Variants in ST6GALNAC3 observed in about 807,000 individuals in gnomAD.
ST6GALNAC3 encodes the protein alpha-N-acetylgalactosaminide alpha-2,6-sialyltransferase 3.
In ST6GALNAC3, 25 loss-of-function variants were observed where a neutral mutation model predicts 32.7. The ratio of observed to expected loss-of-function variants is 0.76; its 90% CI spans 0.56 to 1.07. The LOEUF (loss-of-function observed/expected upper bound fraction) is 1.07, where lower values mean the gene tolerates loss of function less well. Among genes scored for constraint, ST6GALNAC3 ranks in the 50% least tolerant of loss-of-function variants. The probability of loss-of-function intolerance (pLI) is 0.00; values close to 1 mark genes in which losing one functional copy is unlikely to be tolerated. For missense variants in ST6GALNAC3, 355 were observed against 382.4 expected (o/e 0.93, Z 0.60); for synonymous variants, 129 against 133.1 (o/e 0.97, Z 0.21).
chr1:76,283,408 G>T (rs1462285277), intron 1 of ST6GALNAC3, among the ~76,000 whole-genome samples: 1 of 152,034 alleles, frequency 6.6e-6, no homozygotes, highest in Non-Finnish European at 1.5e-5. Context: ...ACTTTCAGGC[G>T]CTGTGGTCTA....
At chr1:76,414,012 G>T (rs1224038042) in intron 3 of ST6GALNAC3, among the ~76,000 whole-genome samples, 1 of 152,020 alleles carries the variant, frequency 6.6e-6, no homozygotes, top group Non-Finnish European at 1.5e-5. Context: ...GAAGAGCTTA[G>T]CATGCTGTTG....
At chr1:76,588,537 T>C (rs1261598702) in intron 3 of ST6GALNAC3, among the ~76,000 whole-genome samples, 1 of 152,232 alleles carries the variant, frequency 6.6e-6, no homozygotes, top group African/African-American at 2.4e-5. Flanking sequence ...CGTGTGCTAA[T>C]TGGCCATTTG....
chr1:76,125,058 G>A lies in ST6GALNAC3; in HGVS notation c.18+50174G>A, dbSNP rs372112102. Reference sequence around the variant, plus strand: ...AAATATATCAAATTTAATTTCACTTGTTTCTCTTTACTTTTTGTTAATGTA... The same window carrying A: ...AAATATATCAAATTTAATTTCACTTATTTCTCTTTACTTTTTGTTAATGTA... On this transcript the variant is annotated intron_variant, in intron 1 of 4. Coordinates refer to ENST00000328299, the MANE Select transcript of ST6GALNAC3 (RefSeq NM_152996.4). Among the ~76,000 whole-genome samples, 8 of 152,216 alleles carry A rather than the reference G, an allele frequency of 5.3e-5. No homozygotes were observed. The South Asian group carries it at 1.5e-3, about 28-fold the overall frequency.
At chr1:76,161,383 T>A (rs1271337688) in intron 1 of ST6GALNAC3, among the ~76,000 whole-genome samples, 1 of 152,234 alleles carries the variant, frequency 6.6e-6, no homozygotes, top group African/African-American at 2.4e-5. Flanking sequence ...GGTACAGAAC[T>A]GGTAAGCGGC....
At chr1:76,504,105 C>T (rs1410767011) in intron 3 of ST6GALNAC3, among the ~76,000 whole-genome samples, 1 of 152,102 alleles carries the variant, frequency 6.6e-6, no homozygotes, top group African/African-American at 2.4e-5. Flanking sequence ...TTCTGGAGAC[C>T]AGAATTCAGA....
chr1:76,617,489 G>GA (rs1253997068), intron 3 of ST6GALNAC3, among the ~76,000 whole-genome samples: 4 of 152,108 alleles, frequency 2.6e-5, no homozygotes, highest in African/African-American at 7.2e-5. Flanking sequence ...GCCTTAGGTA[G>GA]AAAAAGGTGA....
At chr1:76,462,692 G>A (rs1212271451) in intron 3 of ST6GALNAC3, among the ~76,000 whole-genome samples, 2 of 152,138 alleles carry the variant, frequency 1.3e-5, no homozygotes. Flanking sequence ...ATTTAAGACA[G>A]TGAAAGACAT....
chr1:76,564,520 A>G (rs1665430140), intron 3 of ST6GALNAC3, among the ~76,000 whole-genome samples: 1 of 151,970 alleles, frequency 6.6e-6, no homozygotes, highest in African/African-American at 2.4e-5. Context: ...GTGATGCCAA[A>G]TTGGTGATAT....
At chr1:76,182,351 A>G (rs1653237835) in intron 1 of ST6GALNAC3, among the ~76,000 whole-genome samples, 1 of 152,200 alleles carries the variant, frequency 6.6e-6, no homozygotes, top group Admixed American at 6.5e-5. Context: ...AGTCTAGACA[A>G]TAGTCTTTTC....
chr1:76,169,339 C>T (rs1263403492), intron 1 of ST6GALNAC3, among the ~76,000 whole-genome samples: 1 of 152,148 alleles, frequency 6.6e-6, no homozygotes, highest in Non-Finnish European at 1.5e-5. Context: ...ATGGGCTTCC[C>T]TTTGTAGGTG....
intron 1 of ST6GALNAC3, among the ~76,000 whole-genome samples, chr1:76,094,794 C>T (rs1647100600): frequency 6.6e-6 from 1 of 152,128 alleles, no homozygotes; most frequent in Admixed American, 6.6e-5. Flanking sequence ...TCCTCTCTTC[C>T]CTTGGTATAT....
chr1:76,292,332 C>A lies in ST6GALNAC3; in HGVS notation c.19-21473C>A, dbSNP rs1369165488. 2.0e-5 allele frequency among the ~76,000 whole-genome samples: 3 copies of A among 152,022 alleles called. No individual in the cohort carries two copies. In the East Asian group the frequency reaches 5.8e-4, roughly 29 times the overall value. Reference sequence around the variant, plus strand: ...TAGAGTGGGAAATGATACACTGATACACCTGGGCACTGAGGAATGTTTGTA... The same window carrying A: ...TAGAGTGGGAAATGATACACTGATAAACCTGGGCACTGAGGAATGTTTGTA... On this transcript the variant is annotated intron_variant, in intron 1 of 4. Coordinates refer to ENST00000328299, the MANE Select transcript of ST6GALNAC3 (RefSeq NM_152996.4).
At chr1:76,611,788 T>C (rs1022490622) in intron 3 of ST6GALNAC3, among the ~76,000 whole-genome samples, 1 of 152,224 alleles carries the variant, frequency 6.6e-6, no homozygotes, top group Non-Finnish European at 1.5e-5. Flanking sequence ...CACTGAGTTC[T>C]TTGAAGTTCC....
intron 2 of ST6GALNAC3, among the ~76,000 whole-genome samples, chr1:76,381,187 G>GAAAAAAAAAAAAAAAAAAAAAAAAAA (rs71588872): frequency 8.2e-6 from 1 of 121,244 alleles, no homozygotes. Flanking sequence ...AAAAAAAAAA[G>GAAAAAAAAAAAAAAAAAAAAAAAAAA]AAAAAAAAAA....
At chr1:76,445,120 GACA>G (rs1656881136) in intron 3 of ST6GALNAC3, among the ~76,000 whole-genome samples, 4 of 152,152 alleles carry the variant, frequency 2.6e-5, no homozygotes. Flanking sequence ...ATGACTTTGT[GACA>G]ACTTCAGAGA....
intron 1 of ST6GALNAC3, among the ~76,000 whole-genome samples, chr1:76,253,005 A>T (rs532316013): frequency 1.3e-5 from 2 of 152,244 alleles, no homozygotes; most frequent in Admixed American, 1.3e-4. Context: ...AATTTAAAAG[A>T]ATTTTACCAC....
chr1:76,134,629 C>G (rs776764963), intron 1 of ST6GALNAC3, among the ~76,000 whole-genome samples: 19 of 152,184 alleles, frequency 1.2e-4, no homozygotes, highest in Non-Finnish European at 2.6e-4. Flanking sequence ...GTGAGCCCCT[C>G]TAGAGGTGGC....
At chr1:76,272,378 A>T (rs1658900181) in intron 1 of ST6GALNAC3, among the ~76,000 whole-genome samples, 1 of 151,990 alleles carries the variant, frequency 6.6e-6, no homozygotes, top group Admixed American at 6.6e-5. Flanking sequence ...TTATATCTGT[A>T]AAGTCAGCCT....
At chr1:76,474,754 C>T (rs1051318494) in intron 3 of ST6GALNAC3, among the ~76,000 whole-genome samples, 3 of 151,982 alleles carry the variant, frequency 2.0e-5, no homozygotes, top group African/African-American at 7.2e-5. Flanking sequence ...GTAGAGATGT[C>T]AAGAGAAGGC....
Sources: gnomAD v4.1 joint callset for allele counts (sites outside exome capture counted in the v4.1 genomes callset) on GRCh38, gnomAD v4.1.1 for gene constraint, MANE v1.5 for transcripts, NCBI Gene and HGNC (gene_info 2026-07-23, HGNC 2026-07-21) for gene names.